The following CSTPP1 variants were observed in gnomAD, a reference collection of about 807,000 sequenced individuals.
The protein encoded by CSTPP1 is UPF0705 protein C11orf49.
the CSTPP1 span, among the ~76,000 whole-genome samples, chr11:47,033,475 C>T: frequency 6.6e-6 from 1 of 152,194 alleles, no homozygotes; most frequent in African/African-American, 2.4e-5. Context: ...CACTCACCTT[C>T]ATCAAGTTGT....
the CSTPP1 span, among the ~76,000 whole-genome samples, chr11:46,995,370 G>A: frequency 6.6e-6 from 1 of 152,258 alleles, no homozygotes. Flanking sequence ...TGTGATGTTA[G>A]GGTGTCAGTT....
the CSTPP1 span, among the ~76,000 whole-genome samples, chr11:47,028,360 T>C: frequency 6.6e-6 from 1 of 152,218 alleles, no homozygotes; most frequent in East Asian, 1.9e-4. Flanking sequence ...AAATTTATCC[T>C]TGGATTCAGG....
the CSTPP1 span, among the ~76,000 whole-genome samples, chr11:47,019,016 T>A: frequency 2.0e-5 from 3 of 152,188 alleles, no homozygotes; most frequent in South Asian, 2.1e-4. Context: ...AAGTTTATTT[T>A]TTTTTTTTGA....
chr11:47,102,147 A>T, the CSTPP1 span, among the ~76,000 whole-genome samples: 2 of 152,186 alleles, frequency 1.3e-5, no homozygotes, highest in African/African-American at 2.4e-5. Context: ...TGGCACTCAA[A>T]TAGGATTATT....
the CSTPP1 span, among the ~76,000 whole-genome samples, chr11:47,122,095 T>A: frequency 0.017 from 1,209 of 70,878 alleles, 8 homozygotes; most frequent in African/African-American, 0.053. Flanking sequence ...AAAAAAAATA[T>A]ATATATATAT....
At chr11:47,015,688 G>A in the CSTPP1 span, among the ~76,000 whole-genome samples, 3 of 151,700 alleles carry the variant, frequency 2.0e-5, no homozygotes, top group African/African-American at 7.3e-5. Flanking sequence ...ACAAAACAAA[G>A]ACATTTCCAG....
the CSTPP1 span, among the ~76,000 whole-genome samples, chr11:46,944,823 C>T: frequency 3.9e-5 from 6 of 152,308 alleles, no homozygotes; most frequent in East Asian, 1.9e-4. Flanking sequence ...CTATCATGGG[C>T]GTTTCCCCCA....
chr11:47,104,791 G>A, the CSTPP1 span, among the ~76,000 whole-genome samples: 15 of 152,320 alleles, frequency 9.8e-5, no homozygotes, highest in East Asian at 3.9e-4. Context: ...TAGATCCAGC[G>A]TGTTGAAATG....
the CSTPP1 span, among the ~76,000 whole-genome samples, chr11:46,952,068 C>CA: frequency 6.6e-6 from 1 of 152,088 alleles, no homozygotes; most frequent in African/African-American, 2.4e-5. Flanking sequence ...CAAAACAAAA[C>CA]AAAAAACCTC....
the CSTPP1 span, chr11:47,161,970 T>G: frequency 2.8e-6 from 3 of 1,057,644 alleles, no homozygotes; most frequent in Non-Finnish European, 3.4e-6. Context: ...CCTCTGCGGG[T>G]CCCCCAATAA....
chr11:47,082,042 C>T, the CSTPP1 span, among the ~76,000 whole-genome samples: 1 of 146,162 alleles, frequency 6.8e-6, no homozygotes, highest in African/African-American at 2.5e-5. Context: ...CTCAGCTACT[C>T]GAAAGGCTGA....
At chr11:47,087,054 AG>A in the CSTPP1 span, among the ~76,000 whole-genome samples, 1 of 152,196 alleles carries the variant, frequency 6.6e-6, no homozygotes, top group South Asian at 2.1e-4. Flanking sequence ...TGGATGATAT[AG>A]GCTGGTTGAA....
At chr11:47,003,337 A>C in the CSTPP1 span, among the ~76,000 whole-genome samples, 1 of 152,318 alleles carries the variant, frequency 6.6e-6, no homozygotes, top group East Asian at 1.9e-4. Context: ...GAAGATCTTT[A>C]ATGAGCTGGC....
chr11:47,036,037 ATATATATATATATATATAT>A, the CSTPP1 span, among the ~76,000 whole-genome samples: 1 of 34,784 alleles, frequency 2.9e-5, no homozygotes, highest in East Asian at 3.4e-4. Context: ...GTGAAAAGAT[ATATATATATATATATATAT>A]TATATATATA....
At chr11:46,955,610 G>A in the CSTPP1 span, among the ~76,000 whole-genome samples, 2 of 151,012 alleles carry the variant, frequency 1.3e-5, no homozygotes, top group Non-Finnish European at 3.0e-5. Flanking sequence ...TGATTCGCCC[G>A]CCTCAGCCTT....
chr11:47,083,825 A>G, the CSTPP1 span, among the ~76,000 whole-genome samples: 1 of 152,256 alleles, frequency 6.6e-6, no homozygotes, highest in Non-Finnish European at 1.5e-5. Context: ...TTGTATGAAT[A>G]TAGCACACTT....
the CSTPP1 span, among the ~76,000 whole-genome samples, chr11:47,043,783 G>A: frequency 1.6e-4 from 25 of 152,220 alleles, no homozygotes; most frequent in African/African-American, 4.6e-4. Flanking sequence ...CTTGAGCCCA[G>A]GAGTTTGAGA....
chr11:47,036,273 T>TA, the CSTPP1 span, among the ~76,000 whole-genome samples: 6 of 75,638 alleles, frequency 7.9e-5, 1 homozygote, highest in Non-Finnish European at 1.4e-4. Flanking sequence ...ATATATATAT[T>TA]ATATATTATA....
the CSTPP1 span, among the ~76,000 whole-genome samples, chr11:47,082,371 C>G: frequency 6.6e-6 from 1 of 151,836 alleles, no homozygotes; most frequent in East Asian, 1.9e-4. Flanking sequence ...TAACAACAAA[C>G]AGAAAGTATT....
Sources: allele counts gnomAD v4.1 joint callset (sites outside exome capture counted in the v4.1 genomes callset), GRCh38; gene constraint gnomAD v4.1.1; transcripts MANE v1.5; gene names NCBI Gene and HGNC (gene_info 2026-07-23, HGNC 2026-07-21).